Variants in RNF225 observed in about 807,000 individuals in gnomAD.
The protein encoded by RNF225 is ring finger protein 225.
For missense variants in RNF225, 510 were observed against 509.8 expected (o/e 1.00, Z 0.00); for synonymous variants, 295 against 260.4 (o/e 1.13, Z -1.28).
Position 58,396,914 on chromosome 19 carries a change from G to A in RNF225, c.825G>A (p.Leu275=). The A allele has an allele frequency of 6.5e-7, 1 of 1,534,118 alleles. No homozygotes were observed. ...CGGGCCCTGACCTGGACACGGCCCTGCCAGGAACTGCAGAAGATGCGCTGG... is the reference window on the plus strand; with the variant it reads ...CGGGCCCTGACCTGGACACGGCCCTACCAGGAACTGCAGAAGATGCGCTGG... The part of the protein sequence containing the change: ...RPTGPDLDTA[L]PGTAEDALEP... Residue 275 remains leucine (L), a synonymous_variant, in exon 1 of 1, where the codon CTG becomes CTA. Coordinates refer to ENST00000601382, the MANE Select transcript of RNF225 (RefSeq NM_001195135.2).
At position 58,396,735 on chromosome 19, in the gene RNF225, G is replaced by A. The variant is rs1359482565; in HGVS notation, c.646G>A (p.Gly216Ser). 1 of 1,506,856 alleles carries A rather than the reference G, an allele frequency of 6.6e-7. No homozygotes were observed. Among genetic ancestry groups the A allele is most frequent in the South Asian group, 1.2e-5 (1 of 81,424 alleles). 93.3% of individuals were successfully genotyped at this position (1,506,856 alleles called of 1,614,324 possible). Residue 216 changes from glycine to serine, a missense_variant, in exon 1 of 1, where the codon GGC becomes AGC. Physicochemically the swap from Gly to Ser is moderately conservative, Grantham distance 56. Transcript: ENST00000601382. ...VLVAAGLVVS[G>S]VYIFFLIPHA... is the part of the protein sequence containing the mutation. ...GGTGGCCGCGGGCCTCGTGGTCTCG[G>A]GCGTCTACATCTTCTTCCTCATCCC...
At position 58,396,381 on chromosome 19, in the gene RNF225, G is replaced by T. The variant is rs538331750; in HGVS notation, c.292G>T (p.Ala98Ser). Residue 98 changes from alanine to serine, a missense_variant, in exon 1 of 1, where the codon GCC becomes TCC. Transcript: ENST00000601382. The part of the protein sequence containing the change: ...CLECLARLSL[A>S]TAGGGNAVAC... ...CGAGTGCCTGGCGCGCCTATCGTTG[G>T]CCACGGCGGGCGGCGGCAACGCGGT... The T allele has an allele frequency of 7.3e-5, 112 of 1,534,640 alleles. No homozygotes were observed. In the African/African-American group the frequency reaches 1.5e-3, roughly 20 times the overall value.
chr19:58,396,891 G>A lies in RNF225; in HGVS notation c.802G>A (p.Gly268Ser), dbSNP rs991482238. The A allele has an allele frequency of 8.5e-6, 13 of 1,531,988 alleles. No homozygotes were observed. In the African/African-American group the frequency reaches 1.5e-4, roughly 18 times the overall value. 94.9% of individuals were successfully genotyped at this position (1,531,988 alleles called of 1,614,324 possible). A position where few individuals can be genotyped will look rare whatever the true frequency, so the allele number is the denominator to read the frequency against. ...WAPAWTPRPT[G>S]PDLDTALPGT... ...CCCCGCCTGGACGCCGCGCCCCACG[G>A]GCCCTGACCTGGACACGGCCCTGCC... The change falls in exon 1 of 1, where the codon GGC (glycine) becomes AGC (serine). Residue 268 changes from glycine (G) to serine (S), a missense_variant. Gly to Ser is a moderately conservative substitution (Grantham distance 56). Coordinates refer to ENST00000601382, the MANE Select transcript of RNF225 (RefSeq NM_001195135.2).
chr19:58,396,569 G>C lies in RNF225; in HGVS notation c.480G>C (p.Pro160=). 9.3e-7 allele frequency: 1 copy of C among 1,077,762 alleles called. No individual in the cohort carries two copies. The highest frequency in any genetic ancestry group is 1.1e-6 in the Non-Finnish European group (1 of 891,994). 66.8% of individuals were successfully genotyped at this position (1,077,762 alleles called of 1,614,324 possible). A position where few individuals can be genotyped will look rare whatever the true frequency, so the allele number is the denominator to read the frequency against. Residue 160 remains proline, a synonymous_variant, in exon 1 of 1, where the codon CCG becomes CCC. Transcript: ENST00000601382. ...GCCGCGGCCTTCTCTACCTGCGGCC[G>C]CCGCCGCCCCCGCCCGGGCCGCGCA... ...DRRRGLLYLR[P]PPPPPGPRKA...
chr19:58,396,696 G>T lies in RNF225; in HGVS notation c.607G>T (p.Ala203Ser). The T allele has an allele frequency of 6.7e-7, 1 of 1,495,386 alleles. No homozygotes were observed. The highest frequency in any genetic ancestry group is 8.8e-7 in the Non-Finnish European group (1 of 1,130,182). The allele number at this position is 1,495,386 out of a possible 1,614,324, so 92.6% of individuals were successfully genotyped here. A position where few individuals can be genotyped will look rare whatever the true frequency, so the allele number is the denominator to read the frequency against. ...GGCCTGGGTCTTCAACGCTGCCGTG[G>T]CGCTGGCGGTGCTGGTGGCCGCGGG... is the stretch of plus-strand genomic sequence containing the variant. ...SPAWVFNAAVALAVLVAAGLV... is the reference protein window; with the variant it reads ...SPAWVFNAAVSLAVLVAAGLV... Residue 203 changes from alanine (A) to serine (S), a missense_variant, in exon 1 of 1, where the codon GCG (alanine) becomes TCG (serine). Transcript: ENST00000601382.
Position 58,396,124 on chromosome 19 carries a change from C to T in RNF225, c.35C>T (p.Ser12Phe), listed in dbSNP as rs1293893507. Residue 12 changes from serine to phenylalanine, a missense_variant, in exon 1 of 1, where the codon TCC becomes TTC. Coordinates refer to ENST00000601382, the MANE Select transcript of RNF225 (RefSeq NM_001195135.2). ...PCPRPFWLRH[S>F]RAPQGSGPSS... Reference sequence around the variant, plus strand: ...CCTCGGCCGTTCTGGCTCCGCCATTCCCGGGCCCCCCAGGGCTCGGGTCCC... The same window carrying T: ...CCTCGGCCGTTCTGGCTCCGCCATTTCCGGGCCCCCCAGGGCTCGGGTCCC... The T allele has an allele frequency of 6.5e-7, 1 of 1,532,254 alleles. No individual in the cohort carries two copies. Among genetic ancestry groups the T allele is most frequent in the African/African-American group, 1.4e-5 (1 of 72,860 alleles). The allele number at this position is 1,532,254 out of a possible 1,614,324, so 94.9% of individuals were successfully genotyped here. A position where few individuals can be genotyped will look rare whatever the true frequency, so the allele number is the denominator to read the frequency against.
rs2052392939 is a variant in RNF225 at position 58,395,715 on chromosome 19, CACAGGCTGGCTGCGGTCTGTCATT to C, written c.-372_-349del. Among the ~76,000 whole-genome samples the C allele has an allele frequency of 1.3e-5, 2 of 148,488 alleles. No homozygotes were observed. The highest frequency in any genetic ancestry group is 1.5e-5 in the Non-Finnish European group (1 of 67,970). ...AGGCTTCCACAGGTAGGAAGGCGCC[CACAGGCTGGCTGCGGTCTGTCATT>C]ACTCTGTGGGGGGTGCCTATCTCTG... On this transcript the variant is annotated 5_prime_UTR_variant, in exon 1 of 1. Transcript: ENST00000601382.
In RNF225 at chr19:58,396,390, G is replaced by A. The variant is rs1195134257; in HGVS notation, c.301G>A (p.Gly101Ser). The A allele has an allele frequency of 2.0e-6, 3 of 1,534,318 alleles. No homozygotes were observed. The highest frequency in any genetic ancestry group is 2.6e-6 in the Non-Finnish European group (3 of 1,146,210). The change falls in exon 1 of 1, where the codon GGC (glycine) becomes AGC (serine). Residue 101 changes from glycine (G) to serine (S), a missense_variant. Coordinates refer to ENST00000601382, the MANE Select transcript of RNF225 (RefSeq NM_001195135.2). ...GGCGCGCCTATCGTTGGCCACGGCGGGCGGCGGCAACGCGGTGGCCTGTCC... is the reference window on the plus strand; with the variant it reads ...GGCGCGCCTATCGTTGGCCACGGCGAGCGGCGGCAACGCGGTGGCCTGTCC... ...CLARLSLATA[G>S]GGNAVACPVC...
In RNF225 at chr19:58,396,771, T is replaced by A. The variant is rs1192029837; in HGVS notation, c.682T>A (p.Ser228Thr). 6.6e-7 allele frequency: 1 copy of A among 1,514,490 alleles called. No homozygotes were observed. The highest frequency in any genetic ancestry group is 8.8e-7 in the Non-Finnish European group (1 of 1,138,714). The allele number at this position is 1,514,490 out of a possible 1,614,324, so 93.8% of individuals were successfully genotyped here. The change falls in exon 1 of 1, where the codon TCC becomes ACC. Residue 228 changes from serine to threonine, a missense_variant. Coordinates refer to ENST00000601382, the MANE Select transcript of RNF225 (RefSeq NM_001195135.2). ...YIFFLIPHAT[S>T]SGPPRPQLVA... ...CTTCTTCCTCATCCCGCACGCCACC[T>A]CCTCCGGCCCCCCGCGGCCCCAGCT...
At position 58,396,829 on chromosome 19, in the gene RNF225, G is replaced by A; in HGVS notation, c.740G>A (p.Trp247Ter). 1.3e-6 allele frequency: 2 copies of A among 1,520,158 alleles called. No homozygotes were observed. Among genetic ancestry groups the A allele is most frequent in the Non-Finnish European group, 1.8e-6 (2 of 1,141,146 alleles). The allele number at this position is 1,520,158 out of a possible 1,614,324, so 94.2% of individuals were successfully genotyped here. Residue 247 changes from tryptophan to a stop codon, truncating the protein, a stop_gained, in exon 1 of 1, where the codon TGG (tryptophan) becomes TAG (stop). Transcript: ENST00000601382. LOFTEE classifies it low-confidence loss of function (END_TRUNC). ...VALAPAPGFSWFPPRPPPGSP... is the reference protein window; with the variant it reads ...VALAPAPGFS ...CTCGCTCCAGCGCCTGGCTTCTCTTGGTTTCCGCCGAGGCCCCCGCCGGGG... is the reference window on the plus strand; with the variant it reads ...CTCGCTCCAGCGCCTGGCTTCTCTTAGTTTCCGCCGAGGCCCCCGCCGGGG...
rs2052393708 is a variant in RNF225, at chr19:58,395,787, TCCATCCCTGTCTGGGGTCCTCC to T, written c.-297_-276del. On this transcript the variant is annotated 5_prime_UTR_variant, in exon 1 of 1. Transcript: ENST00000601382. ...CTGCTCCTCTGTGGGTCAGGTCCTT[TCCATCCCTGTCTGGGGTCCTCC>T]CCATCTCCGTGTTCAACTGCGGTCT... Among the ~76,000 whole-genome samples the T allele has an allele frequency of 6.7e-6, 1 of 148,476 alleles. No individual in the cohort carries two copies. Among genetic ancestry groups the T allele is most frequent in the Non-Finnish European group, 1.5e-5 (1 of 67,946 alleles).
In RNF225 at chr19:58,396,872, C is replaced by T. The variant is rs941837903; in HGVS notation, c.783C>T (p.Ala261=). 14 of 1,526,592 alleles carry T rather than the reference C, an allele frequency of 9.2e-6. No homozygotes were observed. In the Admixed American group the frequency reaches 2.8e-4, roughly 30 times the overall value. The allele number at this position is 1,526,592 out of a possible 1,614,324, so 94.6% of individuals were successfully genotyped here. Residue 261 remains alanine (A), a synonymous_variant, in exon 1 of 1, where the codon GCC becomes GCT. Coordinates refer to ENST00000601382, the MANE Select transcript of RNF225 (RefSeq NM_001195135.2). ...CGCCGGGGTCGCCCTGGGCCCCCGC[C>T]TGGACGCCGCGCCCCACGGGCCCTG... ...RPPPGSPWAP[A]WTPRPTGPDL... is the part of the protein sequence containing the mutation.
chr19:58,396,603 GCCCCGCCGC>G lies in RNF225; in HGVS notation c.525_533del (p.Pro176_Pro178del), dbSNP rs957157176. The G allele has an allele frequency of 1.6e-4, 187 of 1,152,180 alleles. No individual in the cohort carries two copies. The highest frequency in any genetic ancestry group is 7.1e-4 in the Middle Eastern group (2 of 2,808). 71.4% of individuals were successfully genotyped at this position (1,152,180 alleles called of 1,614,324 possible). A position where few individuals can be genotyped will look rare whatever the true frequency, so the allele number is the denominator to read the frequency against. ...CCCGCCCGGGCCGCGCAAGGCCCGC[GCCCCGCCGC>G]CCCCGCCGCCTCTGCGCCTGGGCCG... On this transcript the variant is annotated inframe_deletion, in exon 1 of 1. Transcript: ENST00000601382.
chr19:58,396,248 C>G lies in RNF225; in HGVS notation c.159C>G (p.Gly53=), dbSNP rs780792334. The change falls in exon 1 of 1, where the codon GGC becomes GGG. Residue 53 remains glycine, a synonymous_variant. Transcript: ENST00000601382. ...EEEGDGSPGS[G]PILPPASPVE... ...AAGGGGACGGCAGCCCAGGCTCCGG[C>G]CCTATCCTGCCCCCCGCCTCCCCGG... is the stretch of plus-strand genomic sequence containing the variant. 7 of 1,537,762 alleles carry G rather than the reference C, an allele frequency of 4.6e-6. No homozygotes were observed. In the East Asian group the frequency reaches 7.3e-5, roughly 16 times the overall value.
In RNF225 at chr19:58,396,532, G is replaced by C. The variant is rs888542283; in HGVS notation, c.443G>C (p.Arg148Pro). The C allele has an allele frequency of 1.0e-5, 12 of 1,200,656 alleles. No individual in the cohort carries two copies. Among genetic ancestry groups the C allele is most frequent in the Non-Finnish European group, 1.2e-5 (12 of 968,592 alleles). The allele number at this position is 1,200,656 out of a possible 1,614,324, so 74.4% of individuals were successfully genotyped here. ...RAPPSRQGSV[R>P]FDRRRGLLYL... ...CCGCCCTCTCGCCAGGGCTCCGTGC[G>C]CTTCGACCGGCGCCGCGGCCTTCTC... The change falls in exon 1 of 1, where the codon CGC becomes CCC. Residue 148 changes from arginine (R) to proline (P), a missense_variant. Arg to Pro is a moderately radical substitution (Grantham distance 103, BLOSUM62 -2). Coordinates refer to ENST00000601382, the MANE Select transcript of RNF225 (RefSeq NM_001195135.2).
In RNF225 at chr19:58,396,699, C is replaced by G; in HGVS notation, c.610C>G (p.Leu204Val). The change falls in exon 1 of 1, where the codon CTG becomes GTG. Residue 204 changes from leucine to valine, a missense_variant. Coordinates refer to ENST00000601382, the MANE Select transcript of RNF225 (RefSeq NM_001195135.2). ...CTGGGTCTTCAACGCTGCCGTGGCG[C>G]TGGCGGTGCTGGTGGCCGCGGGCCT... ...PAWVFNAAVA[L>V]AVLVAAGLVV... 4 of 1,495,488 alleles carry G rather than the reference C, an allele frequency of 2.7e-6. No homozygotes were observed. The highest frequency in any genetic ancestry group is 3.8e-4 in the Middle Eastern group (2 of 5,294). 92.6% of individuals were successfully genotyped at this position (1,495,488 alleles called of 1,614,324 possible).
Position 58,396,028 on chromosome 19 carries a change from C to T in RNF225, c.-62C>T. Reference sequence around the variant, plus strand: ...CCTGGATTCCCTGCTGGTCTCAGAACCCGCTCCAGGCTCCACCGCCTCCTT... The same window carrying T: ...CCTGGATTCCCTGCTGGTCTCAGAATCCGCTCCAGGCTCCACCGCCTCCTT... On this transcript the variant is annotated 5_prime_UTR_variant, in exon 1 of 1. Coordinates refer to ENST00000601382, the MANE Select transcript of RNF225 (RefSeq NM_001195135.2). The T allele has an allele frequency of 6.9e-7, 1 of 1,440,440 alleles. No homozygotes were observed. The highest frequency in any genetic ancestry group is 9.1e-7 in the Non-Finnish European group (1 of 1,097,448). The allele number at this position is 1,440,440 out of a possible 1,614,324, so 89.2% of individuals were successfully genotyped here.
In RNF225 at chr19:58,396,635, C is replaced by A; in HGVS notation, c.546C>A (p.Gly182=). The change falls in exon 1 of 1, where the codon GGC becomes GGA. Residue 182 remains glycine (G), a synonymous_variant. Transcript: ENST00000601382. ...APPPPPPLRL[G]RPLSRRLSLA... ...CGCCCCCGCCGCCTCTGCGCCTGGG[C>A]CGCCCGCTGTCGCGCCGCTTGTCGC... is the stretch of plus-strand genomic sequence containing the variant. 1 of 1,389,370 alleles carries A rather than the reference C, an allele frequency of 7.2e-7. No homozygotes were observed. The allele number at this position is 1,389,370 out of a possible 1,614,324, so 86.1% of individuals were successfully genotyped here.
rs545435313 is a variant in RNF225, at chr19:58,396,727, T to C, written c.638T>C (p.Val213Ala). ...ALAVLVAAGLVVSGVYIFFLI... is the reference protein window; with the variant it reads ...ALAVLVAAGLAVSGVYIFFLI... ...GCGGTGCTGGTGGCCGCGGGCCTCGTGGTCTCGGGCGTCTACATCTTCTTC... is the reference window on the plus strand; with the variant it reads ...GCGGTGCTGGTGGCCGCGGGCCTCGCGGTCTCGGGCGTCTACATCTTCTTC... Residue 213 changes from valine (V) to alanine (A), a missense_variant, in exon 1 of 1, where the codon GTG becomes GCG. Coordinates refer to ENST00000601382, the MANE Select transcript of RNF225 (RefSeq NM_001195135.2). 1 of 1,503,840 alleles carries C rather than the reference T, an allele frequency of 6.6e-7. No individual in the cohort carries two copies. The highest frequency in any genetic ancestry group is 1.2e-5 in the South Asian group (1 of 81,132). The allele number at this position is 1,503,840 out of a possible 1,614,324, so 93.2% of individuals were successfully genotyped here. A position where few individuals can be genotyped will look rare whatever the true frequency, so the allele number is the denominator to read the frequency against.
Sources: allele counts gnomAD v4.1 joint callset (sites outside exome capture counted in the v4.1 genomes callset), GRCh38; gene constraint gnomAD v4.1.1; transcripts MANE v1.5; gene names NCBI Gene and HGNC (gene_info 2026-07-23, HGNC 2026-07-21).